XYLT1: variants seen among roughly 807,000 people sequenced by gnomAD.
XYLT1 encodes beta-D-xylosyltransferase 1.
In XYLT1, 36 loss-of-function variants were observed where a neutral mutation model predicts 91.3. The ratio of observed to expected loss-of-function variants is 0.39; its 90% CI spans 0.30 to 0.52. The LOEUF is 0.52. XYLT1 is among the 20% of genes least tolerant of loss of function. The pLI is 0.68. For missense variants in XYLT1, 1,242 were observed against 1,284.5 expected (o/e 0.97, Z 0.51); for synonymous variants, 588 against 532.0 (o/e 1.11, Z -1.45).
intron 5 of XYLT1, among the ~76,000 whole-genome samples, chr16:17,169,511 C>T (rs2031775275): frequency 6.6e-6 from 1 of 152,122 alleles, no homozygotes; most frequent in Non-Finnish European, 1.5e-5. Context: ...ATCTGATGTT[C>T]TATCAATGAG....
intron 9 of XYLT1, among the ~76,000 whole-genome samples, chr16:17,129,782 T>G (rs2030402900): frequency 6.6e-6 from 1 of 152,226 alleles, no homozygotes. Context: ...TAGCCACTTG[T>G]GGCTACCGTA....
At chr16:17,354,099 T>C (rs564446778) in intron 2 of XYLT1, among the ~76,000 whole-genome samples, 2 of 152,236 alleles carry the variant, frequency 1.3e-5, no homozygotes, top group Admixed American at 6.5e-5. Flanking sequence ...ACTGAACTCC[T>C]TTTTTATTTT....
intron 2 of XYLT1, among the ~76,000 whole-genome samples, chr16:17,349,044 G>A (rs1346868404): frequency 6.6e-6 from 1 of 152,212 alleles, no homozygotes; most frequent in African/African-American, 2.4e-5. Flanking sequence ...CAATGGCGGT[G>A]GGGGTGCCCT....
At chr16:17,201,016 G>A (rs192660492) in intron 3 of XYLT1, among the ~76,000 whole-genome samples, 85 of 152,320 alleles carry the variant, frequency 5.6e-4, no homozygotes, top group African/African-American at 1.8e-3. Flanking sequence ...GTTAGTGAAC[G>A]TAAGATACAT....
intron 2 of XYLT1, among the ~76,000 whole-genome samples, chr16:17,346,958 T>C (rs2035151844): frequency 6.6e-6 from 1 of 152,142 alleles, no homozygotes; most frequent in African/African-American, 2.4e-5. Flanking sequence ...GGGTTATTAT[T>C]AATAAGATAC....
intron 3 of XYLT1, among the ~76,000 whole-genome samples, chr16:17,200,940 C>A (rs2032529277): frequency 6.6e-6 from 1 of 152,110 alleles, no homozygotes; most frequent in African/African-American, 2.4e-5. Flanking sequence ...CTGAACAAGG[C>A]AGGAGGAGGT....
chr16:17,222,993 C>T (rs1378150067), intron 3 of XYLT1, among the ~76,000 whole-genome samples: 1 of 150,982 alleles, frequency 6.6e-6, no homozygotes, highest in Non-Finnish European at 1.5e-5. Context: ...CACAGAGACA[C>T]CCCTCAAATG....
chr16:17,470,418 C>T lies in XYLT1; in HGVS notation c.363+16G>A, dbSNP rs1240811177. The T allele has an allele frequency of 1.6e-6, 2 of 1,228,012 alleles. No homozygotes were observed. Among genetic ancestry groups the T allele is most frequent in the Non-Finnish European group, 1.0e-6 (1 of 984,842 alleles). The allele number at this position is 1,228,012 out of a possible 1,614,324, so 76.1% of individuals were successfully genotyped here. ...CCCTCCCTCGCCGCGGGGCGCGAGC[C>T]GAAAGGGCATCTTACCAGAGCCCGG... On this transcript the variant is annotated intron_variant, in intron 1 of 11. Transcript: ENST00000261381.
At chr16:17,278,451 T>C (rs2034010432) in intron 2 of XYLT1, among the ~76,000 whole-genome samples, 1 of 152,162 alleles carries the variant, frequency 6.6e-6, no homozygotes, top group South Asian at 2.1e-4. Context: ...TTAAGGGGTA[T>C]TCCCATTAAG....
At chr16:17,124,825 T>C (rs2030202292) in intron 10 of XYLT1, among the ~76,000 whole-genome samples, 1 of 152,222 alleles carries the variant, frequency 6.6e-6, no homozygotes, top group Non-Finnish European at 1.5e-5. Flanking sequence ...TGGAGTGAGT[T>C]AATTTGAAAG....
chr16:17,164,277 A>C (rs1220484395), intron 5 of XYLT1, among the ~76,000 whole-genome samples: 2 of 145,510 alleles, frequency 1.4e-5, no homozygotes. Context: ...AATGTTTGTG[A>C]TATTTGATGT....
At chr16:17,211,977 T>G (rs533569763) in intron 3 of XYLT1, among the ~76,000 whole-genome samples, 1 of 152,326 alleles carries the variant, frequency 6.6e-6, no homozygotes, top group East Asian at 1.9e-4. Flanking sequence ...TGACAAAACC[T>G]AAAATGTCTC....
At chr16:17,126,372 G>T (rs1567283630) in intron 10 of XYLT1, among the ~76,000 whole-genome samples, 1 of 152,192 alleles carries the variant, frequency 6.6e-6, no homozygotes, top group Non-Finnish European at 1.5e-5. Flanking sequence ...CCCTAGCACA[G>T]AATCGAACTG....
At chr16:17,348,543 G>A (rs2035177292) in intron 2 of XYLT1, among the ~76,000 whole-genome samples, 1 of 152,136 alleles carries the variant, frequency 6.6e-6, no homozygotes, top group African/African-American at 2.4e-5. Flanking sequence ...ACTTGCAAAG[G>A]AAGGGTGTGA....
chr16:17,281,889 C>T (rs1257073161), intron 2 of XYLT1, among the ~76,000 whole-genome samples: 1 of 152,140 alleles, frequency 6.6e-6, no homozygotes, highest in Non-Finnish European at 1.5e-5. Flanking sequence ...CTGTAGGGTT[C>T]TATGGTTCTA....
chr16:17,367,898 A>T (rs2035475483), intron 1 of XYLT1, among the ~76,000 whole-genome samples: 1 of 152,262 alleles, frequency 6.6e-6, no homozygotes, highest in South Asian at 2.1e-4. Flanking sequence ...AGTTTGGATT[A>T]AAATTCAGTG....
intron 2 of XYLT1, among the ~76,000 whole-genome samples, chr16:17,332,631 G>T (rs531135582): frequency 4.6e-5 from 7 of 151,128 alleles, no homozygotes; most frequent in African/African-American, 1.7e-4. Flanking sequence ...AGCAAAGTGG[G>T]ACTATTACAA....
intron 2 of XYLT1, among the ~76,000 whole-genome samples, chr16:17,309,271 T>C (rs547968320): frequency 6.6e-6 from 1 of 152,140 alleles, no homozygotes; most frequent in East Asian, 1.9e-4. Flanking sequence ...CCCCCGTAGT[T>C]GTAACAACTA....
intron 3 of XYLT1, among the ~76,000 whole-genome samples, chr16:17,242,173 G>C (rs1340189493): frequency 6.6e-6 from 1 of 152,172 alleles, no homozygotes; most frequent in African/African-American, 2.4e-5. Flanking sequence ...GATTTGGGTG[G>C]GGACACAGCC....
Sources: allele counts gnomAD v4.1 joint callset (sites outside exome capture counted in the v4.1 genomes callset), GRCh38; gene constraint gnomAD v4.1.1; transcripts MANE v1.5; gene names NCBI Gene and HGNC (gene_info 2026-07-23, HGNC 2026-07-21).